Variants in WDPCP observed in about 807,000 individuals in gnomAD.
WDPCP encodes the protein WD repeat containing planar cell polarity effector.
Under a neutral mutation model 93.1 loss-of-function variants are expected in WDPCP, and 71 were observed. The ratio of observed to expected loss-of-function variants is 0.76; its 90% CI spans 0.63 to 0.93. WDPCP has a LOEUF of 0.93. Ranked by LOEUF, WDPCP falls within the 40% of genes least tolerant of loss-of-function variation. WDPCP has a pLI of 0.00. For synonymous variants in WDPCP, 315 were observed against 315.0 expected, an observed-to-expected ratio of 1.00 and a Z score of 0.00; for missense variants, 844 against 887.4, an observed-to-expected ratio of 0.95 and a Z score of 0.62.
intron 2 of WDPCP, among the ~76,000 whole-genome samples, chr2:63,692,795 A>G (rs2103675355): frequency 6.6e-6 from 1 of 152,326 alleles, no homozygotes; most frequent in Middle Eastern, 3.4e-3. Flanking sequence ...ATTTCCCTTG[A>G]CATTCTTATG....
chr2:63,544,458 C>A (rs925446890), intron 1 of WDPCP, among the ~76,000 whole-genome samples: 1 of 152,096 alleles, frequency 6.6e-6, no homozygotes, highest in Non-Finnish European at 1.5e-5. Context: ...TGAGTGTACA[C>A]TGAAATACAT....
At chr2:63,287,908 TA>T (rs1335706692) in intron 13 of WDPCP, among the ~76,000 whole-genome samples, 2 of 152,136 alleles carry the variant, frequency 1.3e-5, no homozygotes, top group African/African-American at 4.8e-5. Context: ...AAATTGCAAT[TA>T]TAAGGTATGT....
intron 13 of WDPCP, among the ~76,000 whole-genome samples, chr2:63,264,505 A>G (rs1681937247): frequency 6.6e-6 from 1 of 152,190 alleles, no homozygotes; most frequent in Non-Finnish European, 1.5e-5. Context: ...TTATAGTGAT[A>G]AAGGGTTCAG....
chr2:63,128,484 AAT>A (rs1380721699), intron 17 of WDPCP, among the ~76,000 whole-genome samples: 1 of 151,978 alleles, frequency 6.6e-6, no homozygotes, highest in African/African-American at 2.4e-5. Flanking sequence ...ATTGTGGTAA[AAT>A]ATATTTAACA....
intron 2 of WDPCP, among the ~76,000 whole-genome samples, chr2:63,711,167 G>A (rs1669256682): frequency 6.6e-6 from 1 of 152,168 alleles, no homozygotes; most frequent in Non-Finnish European, 1.5e-5. Flanking sequence ...TGAGGCTGAA[G>A]TCAGGATAAC....
At chr2:63,178,427 A>G (rs925894431) in intron 14 of WDPCP, among the ~76,000 whole-genome samples, 32 of 152,154 alleles carry the variant, frequency 2.1e-4, no homozygotes, top group African/African-American at 6.8e-4. Context: ...TCATTATCCA[A>G]TCTTGGTTAG....
chr2:63,833,685 G>A, the WDPCP span, among the ~76,000 whole-genome samples: 25 of 152,258 alleles, frequency 1.6e-4, no homozygotes, highest in African/African-American at 5.5e-4. Flanking sequence ...TCTAGACCCA[G>A]AATCTAGACT....
At position 63,515,043 on chromosome 2, in the gene WDPCP, G is replaced by A. The variant is rs13001572; in HGVS notation, c.76-22103C>T. On this transcript the variant is annotated intron_variant, in intron 1 of 17. Coordinates refer to ENST00000272321, the MANE Select transcript of WDPCP (RefSeq NM_015910.7). ...GTTCCAGCCAATGAGAAGATGTCTA[G>A]GTATTCAAAGGACAGTTTGCCATTT... Among the ~76,000 whole-genome samples the A allele has an allele frequency of 1.7e-4, 26 of 152,096 alleles. 1 individual carries two copies. The highest frequency in any genetic ancestry group is 1.3e-3 in the Admixed American group (20 of 15,288).
intron 1 of WDPCP, among the ~76,000 whole-genome samples, chr2:63,553,633 TA>T (rs904573127): frequency 6.0e-5 from 9 of 151,042 alleles, no homozygotes; most frequent in South Asian, 4.2e-4. Context: ...CTGATGCTTT[TA>T]AAAAAAAAAA....
At chr2:63,789,190 A>T (rs1425804894) in intron 2 of WDPCP, among the ~76,000 whole-genome samples, 2 of 152,208 alleles carry the variant, frequency 1.3e-5, no homozygotes, top group African/African-American at 4.8e-5. Context: ...TAAAAACATT[A>T]TATCATTTTT....
chr2:63,558,330 C>T (rs1706292410), intron 1 of WDPCP, among the ~76,000 whole-genome samples: 1 of 151,862 alleles, frequency 6.6e-6, no homozygotes, highest in South Asian at 2.1e-4. Flanking sequence ...GAGTTTGAGA[C>T]CAGCCTGGCC....
rs539372669 is a variant in WDPCP at position 63,511,949 on chromosome 2, G to C, written c.76-19009C>G. On this transcript the variant is annotated intron_variant, in intron 1 of 17. Transcript: ENST00000272321. Reference sequence around the variant, plus strand: ...TGCATAGCAAAAGAAACTATCATCAGAGTGAACAGGCAACCTACAGAATGG... The same window carrying C: ...TGCATAGCAAAAGAAACTATCATCACAGTGAACAGGCAACCTACAGAATGG... Among the ~76,000 whole-genome samples, 5 of 152,312 alleles carry C rather than the reference G, an allele frequency of 3.3e-5. No individual in the cohort carries two copies. In the South Asian group the frequency reaches 1.0e-3, roughly 32 times the overall value.
intron 17 of WDPCP, among the ~76,000 whole-genome samples, chr2:63,148,788 A>G (rs1228399259): frequency 2.0e-5 from 3 of 152,144 alleles, no homozygotes; most frequent in Non-Finnish European, 4.4e-5. Flanking sequence ...TTACAAGATG[A>G]GTCTGGGACA....
chr2:63,544,498 T>C (rs1164106115), intron 1 of WDPCP, among the ~76,000 whole-genome samples: 1 of 152,182 alleles, frequency 6.6e-6, no homozygotes, highest in Non-Finnish European at 1.5e-5. Flanking sequence ...TGATTCTCTA[T>C]TATTTCAAAA....
chr2:63,815,059 G>C (rs943063852), intron 1 of WDPCP, among the ~76,000 whole-genome samples: 54 of 152,032 alleles, frequency 3.6e-4, no homozygotes, highest in Non-Finnish European at 4.4e-5. Flanking sequence ...CAAAAGACTG[G>C]AGTGGTAATG....
intron 3 of WDPCP, chr2:63,606,908 C>T (rs750991868): frequency 6.2e-7 from 1 of 1,612,118 alleles, no homozygotes; most frequent in Non-Finnish European, 8.5e-7. Flanking sequence ...AATGATTTCT[C>T]ACGTGAGAAG....
At chr2:63,456,637 T>C (rs572959406) in intron 6 of WDPCP, among the ~76,000 whole-genome samples, 80 of 151,952 alleles carry the variant, frequency 5.3e-4, no homozygotes, top group African/African-American at 1.9e-3. Flanking sequence ...AACCCCAAAT[T>C]AGCAGAGAGA....
At chr2:63,656,812 G>A (rs1710172148) in intron 2 of WDPCP, among the ~76,000 whole-genome samples, 1 of 152,238 alleles carries the variant, frequency 6.6e-6, no homozygotes, top group South Asian at 2.1e-4. Context: ...AAAGTTCAAT[G>A]AAGGAAAAGT....
chr2:63,341,809 T>C (rs1261138934), intron 12 of WDPCP, among the ~76,000 whole-genome samples: 1 of 152,226 alleles, frequency 6.6e-6, no homozygotes, highest in African/African-American at 2.4e-5. Flanking sequence ...ATGTAATAAT[T>C]TTTGTCTTAG....
Sources: gnomAD v4.1 joint callset for allele counts (sites outside exome capture counted in the v4.1 genomes callset) on GRCh38, gnomAD v4.1.1 for gene constraint, MANE v1.5 for transcripts, NCBI Gene and HGNC (gene_info 2026-07-23, HGNC 2026-07-21) for gene names.